The following RGS6 variants were observed in gnomAD, a reference collection of about 807,000 sequenced individuals.
The protein encoded by RGS6 is regulator of G-protein signaling 6.
RGS6 carries 30 observed loss-of-function variants against 78.5 expected under a neutral mutation model. The observed-to-expected ratio is 0.38, with a 90% confidence interval of 0.29 to 0.52. The LOEUF (loss-of-function observed/expected upper bound fraction) is 0.52. RGS6 is among the 20% of genes least tolerant of loss of function. The probability of loss-of-function intolerance (pLI) is 0.85; values close to 1 mark genes in which losing one functional copy is unlikely to be tolerated. For synonymous variants in RGS6, 206 were observed against 206.0 expected, an observed-to-expected ratio of 1.00 and a Z score of 0.00; for missense variants, 495 against 609.7, an observed-to-expected ratio of 0.81 and a Z score of 1.98.
chr14:72,297,165 T>A lies in RGS6; in HGVS notation c.85-54930T>A, dbSNP rs553378912. Among the ~76,000 whole-genome samples the A allele has an allele frequency of 1.0e-3, 155 of 152,222 alleles. 1 individual carries two copies. Among genetic ancestry groups the A allele is most frequent in the African/African-American group, 3.4e-3 (143 of 41,580 alleles). The stretch of plus-strand genomic sequence containing the variant: ...ATTTTATTTCACTAAAACCACACTC[T>A]TGATTTGTATGTTTATAGTTAATCA... On this transcript the variant is annotated intron_variant, in intron 2 of 17. Coordinates refer to ENST00000553525, the MANE Select transcript of RGS6 (RefSeq NM_001204424.2).
At chr14:72,043,693 C>G (rs967665860) in intron 2 of RGS6, among the ~76,000 whole-genome samples, 2 of 152,100 alleles carry the variant, frequency 1.3e-5, no homozygotes, top group Non-Finnish European at 2.9e-5. Context: ...AATATGATAG[C>G]CCAGGTGTAG....
chr14:72,219,463 CAACT>C (rs546922955), intron 2 of RGS6, among the ~76,000 whole-genome samples: 119 of 152,166 alleles, frequency 7.8e-4, no homozygotes, highest in African/African-American at 2.7e-3. Context: ...TCCTCGTTGC[CAACT>C]AACTAGTGAA....
intron 2 of RGS6, among the ~76,000 whole-genome samples, chr14:72,068,819 CTTTTCT>C (rs2094289506): frequency 2.0e-5 from 3 of 151,068 alleles, no homozygotes; most frequent in Admixed American, 2.0e-4. Flanking sequence ...CTCCTCCTTC[CTTTTCT>C]TTTTCTTTCT....
intron 12 of RGS6, among the ~76,000 whole-genome samples, chr14:72,493,861 G>C (rs1444564375): frequency 6.6e-6 from 1 of 152,128 alleles, no homozygotes; most frequent in African/African-American, 2.4e-5. Context: ...GTCAAGTATG[G>C]AGATAAAAGC....
chr14:71,868,931 T>C, the RGS6 span, among the ~76,000 whole-genome samples: 1 of 152,136 alleles, frequency 6.6e-6, no homozygotes, highest in African/African-American at 2.4e-5. Flanking sequence ...ATAAGAGATG[T>C]CCCCTTTCTT....
Position 71,943,652 on chromosome 14 carries a change from C to T in RGS6, c.-21+10711C>T, listed in dbSNP as rs185039919. Reference sequence around the variant, plus strand: ...CAAAGATGCCTCTGTTTCCTGGAGGCGAAAGGCCATTAATCACCAGCAGGA... The same window carrying T: ...CAAAGATGCCTCTGTTTCCTGGAGGTGAAAGGCCATTAATCACCAGCAGGA... On this transcript the variant is annotated intron_variant, in intron 1 of 17. Coordinates refer to ENST00000553525, the MANE Select transcript of RGS6 (RefSeq NM_001204424.2). 3.8e-3 allele frequency among the ~76,000 whole-genome samples: 577 copies of T among 152,150 alleles called. 1 individual carries two copies. The highest frequency in any genetic ancestry group is 0.013 in the African/African-American group (545 of 41,508).
intron 2 of RGS6, among the ~76,000 whole-genome samples, chr14:72,333,849 A>C (rs1410151555): frequency 1.3e-5 from 2 of 152,154 alleles, no homozygotes; most frequent in Non-Finnish European, 2.9e-5. Flanking sequence ...GTTTATTTCC[A>C]GCACTGCAAG....
chr14:72,440,192 T>C (rs2153201249), intron 3 of RGS6, among the ~76,000 whole-genome samples: 1 of 152,254 alleles, frequency 6.6e-6, no homozygotes, highest in East Asian at 1.9e-4. Context: ...TCCATAACCA[T>C]AGAGGACCAA....
At chr14:71,909,481 C>CAGAG in the RGS6 span, among the ~76,000 whole-genome samples, 7 of 147,190 alleles carry the variant, frequency 4.8e-5, no homozygotes, top group South Asian at 2.2e-4. Context: ...TACACCTGCA[C>CAGAG]AGAGAGAGAG....
At chr14:72,358,688 A>G (rs1596239655) in intron 3 of RGS6, among the ~76,000 whole-genome samples, 1 of 152,122 alleles carries the variant, frequency 6.6e-6, no homozygotes, top group South Asian at 2.1e-4. Context: ...CTTGCTTTTG[A>G]TTTTACAGGC....
At chr14:72,206,630 A>G (rs1400096255) in intron 2 of RGS6, among the ~76,000 whole-genome samples, 1 of 152,190 alleles carries the variant, frequency 6.6e-6, no homozygotes, top group East Asian at 1.9e-4. Context: ...CACTTCTTAC[A>G]TGGATGGCAG....
chr14:72,576,660 T>TCCC, the RGS6 span, among the ~76,000 whole-genome samples: 3 of 152,230 alleles, frequency 2.0e-5, no homozygotes, highest in African/African-American at 7.2e-5. Context: ...CATGCTGTGG[T>TCCC]CCCATGATGC....
chr14:72,218,675 G>A lies in RGS6; in HGVS notation c.85-133420G>A, dbSNP rs1387329928. Among the ~76,000 whole-genome samples, 12 of 152,118 alleles carry A rather than the reference G, an allele frequency of 7.9e-5. No individual in the cohort carries two copies. In the South Asian group the frequency reaches 2.1e-3, roughly 26 times the overall value. ...TCACCAGGCTGTAGTGCAGTGGCAC[G>A]ATCTTAGCTCACTGCAACCTCTACC... On this transcript the variant is annotated intron_variant, in intron 2 of 17. Transcript: ENST00000553525.
chr14:72,444,281 G>A (rs995067056), intron 3 of RGS6, among the ~76,000 whole-genome samples: 1 of 152,132 alleles, frequency 6.6e-6, no homozygotes, highest in Non-Finnish European at 1.5e-5. Context: ...TAATAACCTC[G>A]CTGGGTCTCC....
intron 2 of RGS6, among the ~76,000 whole-genome samples, chr14:72,020,105 G>A (rs905468223): frequency 6.6e-6 from 1 of 152,232 alleles, no homozygotes; most frequent in Non-Finnish European, 1.5e-5. Context: ...TCAGTGTACA[G>A]TAGGCATATT....
intron 2 of RGS6, among the ~76,000 whole-genome samples, chr14:72,086,954 ATTGTCTT>A (rs2095064563): frequency 2.0e-5 from 3 of 152,134 alleles, no homozygotes; most frequent in Admixed American, 1.3e-4. Flanking sequence ...CAAACAGTCA[ATTGTCTT>A]GACTATTAAA....
chr14:72,176,556 G>A (rs994681170), intron 2 of RGS6, among the ~76,000 whole-genome samples: 11 of 152,180 alleles, frequency 7.2e-5, no homozygotes, highest in African/African-American at 2.7e-4. Context: ...CCCACATATA[G>A]GAGACAATCC....
chr14:72,620,847 G>T, the RGS6 span, among the ~76,000 whole-genome samples: 1 of 152,268 alleles, frequency 6.6e-6, no homozygotes, highest in African/African-American at 2.4e-5. Flanking sequence ...ATCTAATCAC[G>T]TTTGTTTTCT....
At chr14:72,547,676 G>A (rs1426725110) in intron 17 of RGS6, among the ~76,000 whole-genome samples, 1 of 152,124 alleles carries the variant, frequency 6.6e-6, no homozygotes, top group Non-Finnish European at 1.5e-5. Context: ...TTGCTTAGTG[G>A]CTTCCCAATG....
Sources: allele counts gnomAD v4.1 joint callset (sites outside exome capture counted in the v4.1 genomes callset), GRCh38; gene constraint gnomAD v4.1.1; transcripts MANE v1.5; gene names NCBI Gene and HGNC (gene_info 2026-07-23, HGNC 2026-07-21).